The following RPGRIP1L variants were observed in gnomAD, a reference collection of about 807,000 sequenced individuals.
RPGRIP1L encodes RPGRIP1 like, also known as protein fantom.
RPGRIP1L carries 131 observed loss-of-function variants against 160.4 expected under a neutral mutation model. That is an observed-to-expected ratio of 0.82 (90% CI 0.71 to 0.94). The LOEUF is 0.94. Ranked by LOEUF, RPGRIP1L falls within the 40% of genes least tolerant of loss-of-function variation. The pLI, the probability that RPGRIP1L is intolerant of heterozygous loss-of-function variation, is 0.00. For missense variants in RPGRIP1L, 1,522 were observed against 1,535.8 expected (o/e 0.99, Z 0.15); for synonymous variants, 510 against 515.8 (o/e 0.99, Z 0.15).
At chr16:53,608,351 G>A (rs559296175) in intron 25 of RPGRIP1L, among the ~76,000 whole-genome samples, 1 of 152,120 alleles carries the variant, frequency 6.6e-6, no homozygotes, top group Admixed American at 6.5e-5. Context: ...TTAACTTTTT[G>A]ATTTTCTCTT....
chr16:53,637,772 G>C lies in RPGRIP1L; in HGVS notation c.3143C>G (p.Ser1048Cys). The C allele has an allele frequency of 1.2e-6, 2 of 1,613,054 alleles. No homozygotes were observed. Among genetic ancestry groups the C allele is most frequent in the Non-Finnish European group, 1.7e-6 (2 of 1,179,724 alleles). Reference sequence around the variant, plus strand: ...GCTTTGTTCTGCAAGCTGACCTTCAGATAGTAAAGACACATCATCTTTTCC... The same window carrying C: ...GCTTTGTTCTGCAAGCTGACCTTCACATAGTAAAGACACATCATCTTTTCC... ...QQGKDDVSLL[S>C]EGQLAEQSLA... is the part of the protein sequence containing the mutation. The change falls in exon 21 of 27, where the codon TCT becomes TGT. Residue 1048 changes from serine to cysteine, a missense_variant. Ser to Cys is a moderately radical substitution (Grantham distance 112). Transcript: ENST00000647211.
At chr16:53,626,772 T>C (rs1299545073) in intron 22 of RPGRIP1L, among the ~76,000 whole-genome samples, 1 of 136,794 alleles carries the variant, frequency 7.3e-6, no homozygotes, top group Admixed American at 7.9e-5. Flanking sequence ...ACTACTACAC[T>C]CCACCCTGGG....
At chr16:53,651,045 C>A (rs979172662) in intron 15 of RPGRIP1L, among the ~76,000 whole-genome samples, 1 of 152,162 alleles carries the variant, frequency 6.6e-6, no homozygotes, top group South Asian at 2.1e-4. Flanking sequence ...GTGTGTCCAG[C>A]CACCAGCCTG....
In RPGRIP1L at chr16:53,605,518, A is replaced by C; in HGVS notation, c.3798T>G (p.Phe1266Leu). 1 of 1,614,110 alleles carries C rather than the reference A, an allele frequency of 6.2e-7. No homozygotes were observed. Among genetic ancestry groups the C allele is most frequent in the South Asian group, 1.1e-5 (1 of 91,068 alleles). Residue 1266 changes from phenylalanine (F) to leucine (L), a missense_variant, in exon 26 of 27, where the codon TTT becomes TTG. Coordinates refer to ENST00000647211, the MANE Select transcript of RPGRIP1L (RefSeq NM_015272.5). ...GVAHVDLADMFQEGRDLIEQN... is the reference protein window; with the variant it reads ...GVAHVDLADMLQEGRDLIEQN... Reference sequence around the variant, plus strand: ...GCTCAATGAGGTCCCTCCCTTCCTGAAACATGTCGGCAAGGTCGACGTGAG... The same window carrying C: ...GCTCAATGAGGTCCCTCCCTTCCTGCAACATGTCGGCAAGGTCGACGTGAG...
chr16:53,699,386 T>TTAAA lies in RPGRIP1L; in HGVS notation c.85+1252_85+1253insTTTA, dbSNP rs1555618272. 2.6e-5 allele frequency among the ~76,000 whole-genome samples: 2 copies of TTAAA among 77,450 alleles called. 1 individual carries two copies. The highest frequency in any genetic ancestry group is 3.1e-4 in the Admixed American group (2 of 6,410). 50.8% of individuals were successfully genotyped at this position (77,450 alleles called of 152,430 possible). ...GTGAGAAACACCCAAGAATGATCAA[T>TTAAA]AAAAAAAAAAAAAAAAAAAAAAAAA... On this transcript the variant is annotated intron_variant, in intron 2 of 26. Transcript: ENST00000647211.
rs758547965 is a variant in RPGRIP1L at position 53,645,911 on chromosome 16, G to A, written c.2397C>T (p.Cys799=). ...LNELHITIRC[C]NHLQSRASHL... is the part of the protein sequence containing the mutation. ...GGCTTGCTCGGGACTGCAGGTGGTT[G>A]CAACATCTTATTGTAATGTGAAGTT... The change falls in exon 17 of 27, where the codon TGC becomes TGT. Residue 799 remains cysteine (C), a synonymous_variant. Coordinates refer to ENST00000647211, the MANE Select transcript of RPGRIP1L (RefSeq NM_015272.5). 1.1e-5 allele frequency: 17 copies of A among 1,614,094 alleles called. No homozygotes were observed. Among genetic ancestry groups the A allele is most frequent in the Non-Finnish European group, 1.4e-5 (17 of 1,179,976 alleles).
intron 9 of RPGRIP1L, among the ~76,000 whole-genome samples, chr16:53,669,389 G>A (rs188873473): frequency 9.3e-4 from 141 of 151,506 alleles, no homozygotes; most frequent in African/African-American, 3.1e-3. Flanking sequence ...TAAACTTCAC[G>A]TGTGAGCAGC....
chr16:53,622,318 C>G lies in RPGRIP1L; in HGVS notation c.3333G>C (p.Ala1111=), dbSNP rs1017593402. Reference sequence around the variant, plus strand: ...GGCGGAAGTTGCAGTGAGCTGAGATCGCGCTACTGCACCCCAGCCCGGGAG... The same window carrying G: ...GGCGGAAGTTGCAGTGAGCTGAGATGGCGCTACTGCACCCCAGCCCGGGAG... ...ALSPGLGCSS[A]ISAHCNFRLP... Residue 1111 remains alanine, a synonymous_variant, in exon 23 of 27, where the codon GCG becomes GCC. Transcript: ENST00000647211. The G allele has an allele frequency of 9.3e-6, 6 of 646,414 alleles. No homozygotes were observed. Among genetic ancestry groups the G allele is most frequent in the Non-Finnish European group, 1.4e-5 (5 of 352,950 alleles). 40.0% of individuals were successfully genotyped at this position (646,414 alleles called of 1,614,324 possible).
chr16:53,657,435 T>C lies in RPGRIP1L; in HGVS notation c.1581+18A>G, dbSNP rs759578808. 1 of 1,529,164 alleles carries C rather than the reference T, an allele frequency of 6.5e-7. No individual in the cohort carries two copies. Among genetic ancestry groups the C allele is most frequent in the Non-Finnish European group, 9.0e-7 (1 of 1,105,516 alleles). The allele number at this position is 1,529,164 out of a possible 1,614,324, so 94.7% of individuals were successfully genotyped here. On this transcript the variant is annotated intron_variant, in intron 13 of 26. Transcript: ENST00000647211. ...TATTATAGAAAACTTACTTTCCCCATTTAGTGTATTACATTACCTGATAAT... is the reference window on the plus strand; with the variant it reads ...TATTATAGAAAACTTACTTTCCCCACTTAGTGTATTACATTACCTGATAAT...
intron 9 of RPGRIP1L, among the ~76,000 whole-genome samples, chr16:53,665,566 CA>C (rs1421935347): frequency 1.3e-5 from 2 of 151,962 alleles, no homozygotes; most frequent in Non-Finnish European, 2.9e-5. Context: ...AAACAAAAAA[CA>C]ATAGGCTAAA....
intron 2 of RPGRIP1L, among the ~76,000 whole-genome samples, chr16:53,697,010 A>G (rs1033748325): frequency 1.3e-5 from 2 of 152,090 alleles, no homozygotes; most frequent in East Asian, 3.9e-4. Context: ...CCTGGCCAAC[A>G]TGGTGAAACC....
Position 53,636,439 on chromosome 16 carries a change from C to CTGTT in RPGRIP1L, c.3290_3293dup (p.Ser1099ThrfsTer13). The CTGTT allele has an allele frequency of 6.2e-7, 1 of 1,604,548 alleles. No homozygotes were observed. The highest frequency in any genetic ancestry group is 8.5e-7 in the Non-Finnish European group (1 of 1,171,612). ...TTCTAGTTGGCATCAAGTTACTGAC[C>CTGTT]TGTTTGATATTCTTGGAGATAGGAC... is the stretch of plus-strand genomic sequence containing the variant. On this transcript the variant is annotated frameshift_variant and splice_region_variant, in exon 22 of 27. Transcript: ENST00000647211. LOFTEE classifies it high-confidence loss of function.
intron 24 of RPGRIP1L, among the ~76,000 whole-genome samples, chr16:53,614,456 A>G (rs1451074628): frequency 6.6e-6 from 1 of 152,188 alleles, no homozygotes; most frequent in Non-Finnish European, 1.5e-5. Context: ...ACATGTTTCC[A>G]GTTGATATTG....
chr16:53,646,501 G>C (rs1401481008), intron 16 of RPGRIP1L, among the ~76,000 whole-genome samples: 2 of 152,152 alleles, frequency 1.3e-5, no homozygotes, highest in South Asian at 2.1e-4. Flanking sequence ...AATGAGAACA[G>C]AGTCAGAGAC....
Position 53,637,872 on chromosome 16 carries a change from C to T in RPGRIP1L, c.3061-18G>A, listed in dbSNP as rs1231406468. The T allele has an allele frequency of 9.5e-5, 153 of 1,608,172 alleles. No homozygotes were observed. Among genetic ancestry groups the T allele is most frequent in the Non-Finnish European group, 1.3e-4 (150 of 1,176,208 alleles). ...TGTGAAACCTGAAGAAATCAAAGCA[C>T]ACTGGTATATTTATAATTGCTTAGA... On this transcript the variant is annotated intron_variant, in intron 20 of 26. Transcript: ENST00000647211.
chr16:53,610,186 G>A (rs891317974), intron 25 of RPGRIP1L, among the ~76,000 whole-genome samples: 19 of 152,056 alleles, frequency 1.2e-4, no homozygotes, highest in East Asian at 3.9e-4. Flanking sequence ...CAAACTCTGC[G>A]GCAGAAGCTC....
chr16:53,602,584 T>C (rs991341514), intron 26 of RPGRIP1L, among the ~76,000 whole-genome samples: 1 of 152,030 alleles, frequency 6.6e-6, no homozygotes, highest in Non-Finnish European at 1.5e-5. Flanking sequence ...GAAACTAGCC[T>C]GACCAACATG....
chr16:53,680,357 G>T (rs1969512015), intron 6 of RPGRIP1L, among the ~76,000 whole-genome samples: 1 of 152,032 alleles, frequency 6.6e-6, no homozygotes, highest in Non-Finnish European at 1.5e-5. Context: ...CTCCATCAGA[G>T]AACCAGATGT....
At chr16:53,692,490 T>C (rs534546124) in intron 3 of RPGRIP1L, 126 bp from the exon 4 acceptor site, 34 of 891,932 alleles carry the variant, frequency 3.8e-5, no homozygotes, top group Admixed American at 1.4e-4. Context: ...CAGGTTTTGA[T>C]GTAACTATTA....
Sources: allele counts gnomAD v4.1 joint callset (sites outside exome capture counted in the v4.1 genomes callset), GRCh38; gene constraint gnomAD v4.1.1; transcripts MANE v1.5; gene names NCBI Gene and HGNC (gene_info 2026-07-23, HGNC 2026-07-21).